Variants in MACROD2 observed in about 807,000 individuals in gnomAD.
The protein encoded by MACROD2 is ADP-ribose glycohydrolase MACROD2.
A neutral mutation model predicts 70.4 loss-of-function variants in MACROD2; 36 were observed. That is an observed-to-expected ratio of 0.51 (90% confidence interval 0.39 to 0.68). The LOEUF is 0.68. Ranked by LOEUF, MACROD2 falls within the 30% of genes least tolerant of loss-of-function variation. The probability of loss-of-function intolerance (pLI) is 0.00; values close to 1 mark genes in which losing one functional copy is unlikely to be tolerated. For missense variants in MACROD2, 496 were observed against 538.4 expected (o/e 0.92, Z 0.78); for synonymous variants, 172 against 178.8 (o/e 0.96, Z 0.30).
chr20:15,173,790 A>C (rs758994785), intron 5 of MACROD2, among the ~76,000 whole-genome samples: 2 of 152,194 alleles, frequency 1.3e-5, no homozygotes, highest in African/African-American at 2.4e-5. Context: ...TGAAGCACTC[A>C]TAAGGAGTCC....
intron 5 of MACROD2, among the ~76,000 whole-genome samples, chr20:14,845,379 C>G (rs2073129336): frequency 6.6e-6 from 1 of 151,926 alleles, no homozygotes; most frequent in Admixed American, 6.6e-5. Flanking sequence ...AATTTTTTAA[C>G]CTAAGATTAC....
At chr20:14,380,603 A>G (rs554770770) in intron 3 of MACROD2, among the ~76,000 whole-genome samples, 2 of 152,202 alleles carry the variant, frequency 1.3e-5, no homozygotes, top group African/African-American at 2.4e-5. Context: ...TGGGAGTCCA[A>G]CTTAATTCTT....
intron 5 of MACROD2, among the ~76,000 whole-genome samples, chr20:14,705,195 G>A (rs1055626324): frequency 6.6e-6 from 1 of 152,016 alleles, no homozygotes; most frequent in African/African-American, 2.4e-5. Flanking sequence ...CTCTAGGCGT[G>A]TTTATTCTAC....
intron 2 of MACROD2, among the ~76,000 whole-genome samples, chr20:14,034,535 C>T (rs1489470451): frequency 6.6e-6 from 1 of 152,194 alleles, no homozygotes; most frequent in Non-Finnish European, 1.5e-5. Flanking sequence ...AAATGTTGAA[C>T]CAACGTTATA....
chr20:15,215,479 G>A (rs1211099980), intron 5 of MACROD2, among the ~76,000 whole-genome samples: 2 of 151,800 alleles, frequency 1.3e-5, no homozygotes, highest in Admixed American at 6.6e-5. Context: ...CATTACTAGT[G>A]TTCTTTTCTT....
rs538595516 is a variant in MACROD2, at chr20:15,620,309, G to A, written c.645+120462G>A. Among the ~76,000 whole-genome samples the A allele has an allele frequency of 2.8e-4, 43 of 152,288 alleles. 1 individual carries two copies. The South Asian group carries it at 6.6e-3, about 24-fold the overall frequency. On this transcript the variant is annotated intron_variant, in intron 8 of 17. Transcript: ENST00000684519. ...TTTGTGTTGGGGTTTGTTATAATGA[G>A]TCTCAGGGTCTGGGGCCATCAAAGA... is the stretch of plus-strand genomic sequence containing the variant.
intron 4 of MACROD2, among the ~76,000 whole-genome samples, chr20:14,669,632 G>T (rs1048887360): frequency 6.6e-6 from 1 of 152,142 alleles, no homozygotes; most frequent in Non-Finnish European, 1.5e-5. Flanking sequence ...AAATGAGGTT[G>T]TCTCAGAGGC....
At chr20:15,788,084 C>G (rs548936051) in intron 8 of MACROD2, among the ~76,000 whole-genome samples, 1 of 152,178 alleles carries the variant, frequency 6.6e-6, no homozygotes, top group African/African-American at 2.4e-5. Context: ...CATTTGAGCA[C>G]GAGTAGTTAG....
intron 3 of MACROD2, among the ~76,000 whole-genome samples, chr20:14,446,822 A>G (rs552872870): frequency 2.3e-4 from 35 of 152,246 alleles, no homozygotes; most frequent in Non-Finnish European, 5.0e-4. Flanking sequence ...CAAAAAAGGC[A>G]AAGAAAATAG....
chr20:15,802,321 G>A (rs908643209), intron 8 of MACROD2, among the ~76,000 whole-genome samples: 1 of 152,168 alleles, frequency 6.6e-6, no homozygotes, highest in East Asian at 1.9e-4. Context: ...GATGCCAGCT[G>A]TGGGTTTGTC....
chr20:15,408,695 T>C (rs2046037474), intron 6 of MACROD2, among the ~76,000 whole-genome samples: 1 of 152,202 alleles, frequency 6.6e-6, no homozygotes, highest in South Asian at 2.1e-4. Context: ...TCAGTGACAG[T>C]GAATGTGCTG....
chr20:15,352,391 A>G (rs2078237354), intron 6 of MACROD2, among the ~76,000 whole-genome samples: 1 of 152,186 alleles, frequency 6.6e-6, no homozygotes, highest in Non-Finnish European at 1.5e-5. Flanking sequence ...TTGCTACAAA[A>G]GAGAATGTGT....
intron 4 of MACROD2, among the ~76,000 whole-genome samples, chr20:14,516,485 G>A (rs1224456556): frequency 1.3e-5 from 2 of 152,120 alleles, no homozygotes; most frequent in Non-Finnish European, 2.9e-5. Context: ...TGTATAAGGT[G>A]TAAGGAAGAG....
intron 8 of MACROD2, among the ~76,000 whole-genome samples, chr20:15,846,819 C>T (rs964983102): frequency 2.0e-5 from 3 of 151,264 alleles, no homozygotes; most frequent in Non-Finnish European, 4.4e-5. Context: ...ATGGCAGCAG[C>T]GAGACCCTCG....
chr20:15,402,488 C>G (rs1371729089), intron 6 of MACROD2, among the ~76,000 whole-genome samples: 1 of 151,982 alleles, frequency 6.6e-6, no homozygotes, highest in African/African-American at 2.4e-5. Context: ...CTGTAAAGGC[C>G]AGGGGATTCA....
At chr20:14,376,823 A>G (rs1461761579) in intron 3 of MACROD2, among the ~76,000 whole-genome samples, 2 of 150,908 alleles carry the variant, frequency 1.3e-5, no homozygotes, top group Non-Finnish European at 2.9e-5. Flanking sequence ...CTTTGGAACC[A>G]TACTTCCCTT....
At position 14,937,840 on chromosome 20, in the gene MACROD2, C is replaced by T. The variant is rs187855409; in HGVS notation, c.418+252881C>T. Among the ~76,000 whole-genome samples the T allele has an allele frequency of 4.1e-4, 62 of 152,136 alleles. No individual in the cohort carries two copies. The East Asian group carries it at 0.01, about 25-fold the overall frequency. ...TCAGGCTCTATTCATCCTCCCACCCCCTTACCCTTCCTAGCCTCTAGTAAC... is the reference window on the plus strand; with the variant it reads ...TCAGGCTCTATTCATCCTCCCACCCTCTTACCCTTCCTAGCCTCTAGTAAC... On this transcript the variant is annotated intron_variant, in intron 5 of 17. Transcript: ENST00000684519.
intron 4 of MACROD2, among the ~76,000 whole-genome samples, chr20:14,574,461 G>T (rs1980435245): frequency 6.6e-6 from 1 of 151,976 alleles, no homozygotes; most frequent in African/African-American, 2.4e-5. Context: ...GTTATCTGAG[G>T]CTCTTTGTCC....
chr20:14,202,643 G>T (rs983166154), intron 3 of MACROD2, among the ~76,000 whole-genome samples: 3 of 152,140 alleles, frequency 2.0e-5, no homozygotes, highest in African/African-American at 7.2e-5. Context: ...AATATAAGAA[G>T]AAAAGAAGTG....
Sources: allele counts gnomAD v4.1 joint callset (sites outside exome capture counted in the v4.1 genomes callset), GRCh38; gene constraint gnomAD v4.1.1; transcripts MANE v1.5; gene names NCBI Gene and HGNC (gene_info 2026-07-23, HGNC 2026-07-21).